Variants in ENO1 observed in about 807,000 individuals in gnomAD.
ENO1 encodes the protein enolase 1.
ENO1 carries 33 observed loss-of-function variants against 46.3 expected under a neutral mutation model. The ratio of observed to expected loss-of-function variants is 0.71; its 90% CI spans 0.54 to 0.95. The LOEUF is 0.95. Among genes scored for constraint, ENO1 ranks in the 40% least tolerant of loss-of-function variants. The probability of loss-of-function intolerance (pLI) is 0.00; values close to 1 mark genes in which losing one functional copy is unlikely to be tolerated. For missense variants in ENO1, 488 were observed against 553.3 expected (o/e 0.88, Z 1.18); for synonymous variants, 220 against 216.0 (o/e 1.02, Z -0.16).
intron 1 of ENO1, among the ~76,000 whole-genome samples, chr1:8,877,131 G>C (rs1029514504): frequency 1.3e-5 from 2 of 152,042 alleles, no homozygotes; most frequent in Admixed American, 6.5e-5. Context: ...CTAATTTTTT[G>C]TATTTTTAGT....
chr1:8,866,966 G>C, intron 6 of ENO1, 151 bp downstream of exon 6: 1 of 1,224,826 alleles, frequency 8.2e-7, no homozygotes. Context: ...GGCAAGTTGA[G>C]TTACCTGCTC....
intron 4 of ENO1, among the ~76,000 whole-genome samples, chr1:8,869,901 G>A (rs1320218138): frequency 1.3e-5 from 2 of 152,188 alleles, no homozygotes. Flanking sequence ...AGTCCCATCT[G>A]ATGAGCGCCA....
chr1:8,862,929 G>C lies in ENO1; in HGVS notation c.1193C>G (p.Pro398Arg). 1 of 1,614,156 alleles carries C rather than the reference G, an allele frequency of 6.2e-7. No individual in the cohort carries two copies. The highest frequency in any genetic ancestry group is 8.5e-7 in the Non-Finnish European group (1 of 1,179,986). The change falls in exon 11 of 12, where the codon CCT becomes CGT. Residue 398 changes from proline to arginine, a missense_variant. By Grantham distance (103) the Pro-to-Arg change is moderately radical. Coordinates refer to ENST00000234590, the MANE Select transcript of ENO1 (RefSeq NM_001428.5). ...LCTGQIKTGAPCRSERLAKYN... is the reference protein window; with the variant it reads ...LCTGQIKTGARCRSERLAKYN... Reference sequence around the variant, plus strand: ...CTTGGCCAAGCGCTCAGATCGGCAAGGGGCACCAGTCTTGATCTAGGAGAA... The same window carrying C: ...CTTGGCCAAGCGCTCAGATCGGCAACGGGCACCAGTCTTGATCTAGGAGAA...
rs566041489 is a variant in ENO1, at chr1:8,863,085, C to T, written c.1177-140G>A. On this transcript the variant is annotated intron_variant, in intron 10 of 11. Transcript: ENST00000234590. ...TGGGGGCCACAACATACAGGCAGGG[C>T]GCTCATGCCCCCATTCTGTTCAGCC... is the stretch of plus-strand genomic sequence containing the variant. 543 of 1,319,842 alleles carry T rather than the reference C, an allele frequency of 4.1e-4. No homozygotes were observed. The African/African-American group carries it at 6.9e-3, about 17-fold the overall frequency. The allele number at this position is 1,319,842 out of a possible 1,614,324, so 81.8% of individuals were successfully genotyped here. A position where few individuals can be genotyped will look rare whatever the true frequency, so the allele number is the denominator to read the frequency against.
chr1:8,871,109 G>T, intron 3 of ENO1: 1 of 1,197,056 alleles, frequency 8.4e-7, no homozygotes, highest in Non-Finnish European at 1.0e-6. Context: ...TTAAACAACG[G>T]TCAAATGGTA....
intron 7 of ENO1, chr1:8,866,076 C>CA (rs70985533): frequency 0.24 from 88,234 of 362,126 alleles, 6,251 homozygotes; most frequent in East Asian, 0.46. Flanking sequence ...GACTCCATCT[C>CA]AAAAAAAAAA....
rs560859958 is a variant in ENO1, at chr1:8,867,147, A to C, written c.414T>G (p.Ala138=). The C allele has an allele frequency of 6.2e-7, 1 of 1,614,158 alleles. No homozygotes were observed. The highest frequency in any genetic ancestry group is 1.1e-5 in the South Asian group (1 of 91,076). ...VPLYRHIADL[A]GNSEVILPVP... ...CTGGCAGGATGACTTCAGAGTTGCC[A>C]GCCAAGTCAGCGATGTGGCGGTACA... is the stretch of plus-strand genomic sequence containing the variant. Residue 138 remains alanine (A), a synonymous_variant, in exon 6 of 12, where the codon GCT becomes GCG. Coordinates refer to ENST00000234590, the MANE Select transcript of ENO1 (RefSeq NM_001428.5).
At chr1:8,869,011 CTAATA>C (rs930477066) in intron 4 of ENO1, among the ~76,000 whole-genome samples, 18 of 152,104 alleles carry the variant, frequency 1.2e-4, no homozygotes, top group Non-Finnish European at 2.5e-4. Context: ...CCATTTTAAA[CTAATA>C]TATTAATAAC....
chr1:8,865,964 C>T, intron 7 of ENO1: 1 of 340,690 alleles, frequency 2.9e-6, no homozygotes, highest in Non-Finnish European at 5.4e-6. Flanking sequence ...GACAGACGGA[C>T]AGACACTTGG....
chr1:8,872,423 C>G (rs1192422802), intron 2 of ENO1, among the ~76,000 whole-genome samples: 7 of 151,586 alleles, frequency 4.6e-5, no homozygotes, highest in Non-Finnish European at 8.8e-5. Context: ...TCGCTCTATC[C>G]CCCAGGCTAG....
chr1:8,876,930 A>G (rs1435544201), intron 1 of ENO1, among the ~76,000 whole-genome samples: 2 of 151,658 alleles, frequency 1.3e-5, no homozygotes, highest in Non-Finnish European at 2.9e-5. Flanking sequence ...CTGCAACCTC[A>G]GCCTCCTGTC....
At chr1:8,866,059 C>T (rs552943132) in intron 7 of ENO1, 47 of 460,380 alleles carry the variant, frequency 1.0e-4, no homozygotes, top group African/African-American at 9.2e-4. Context: ...CCAGCCTGGG[C>T]GACAGAGACT....
intron 5 of ENO1, 34 bp from the exon 6 acceptor site, chr1:8,867,284 A>T: frequency 6.2e-7 from 1 of 1,609,714 alleles, no homozygotes; most frequent in Non-Finnish European, 8.5e-7. Context: ...GAATGAAGTC[A>T]TTTCTGATTC....
At chr1:8,864,164 T>C in intron 8 of ENO1, 72 bp from the exon 9 acceptor site, 2 of 1,528,136 alleles carry the variant, frequency 1.3e-6, no homozygotes, top group Non-Finnish European at 1.8e-6. Flanking sequence ...CCAGCCTTGC[T>C]TCCCCCTTGA....
chr1:8,876,800 A>C (rs1477479158), intron 1 of ENO1, among the ~76,000 whole-genome samples: 3 of 151,750 alleles, frequency 2.0e-5, no homozygotes, highest in Non-Finnish European at 2.9e-5. Context: ...CGTCTCAGAA[A>C]AAAAAAAAAA....
intron 11 of ENO1, among the ~76,000 whole-genome samples, chr1:8,862,455 C>A (rs1468028710): frequency 6.6e-6 from 1 of 152,136 alleles, no homozygotes; most frequent in Non-Finnish European, 1.5e-5. Context: ...CCAGAACAGC[C>A]CCACAGCGCT....
Position 8,861,250 on chromosome 1 carries a change from T to C in ENO1, c.*110A>G. 8.6e-7 allele frequency: 1 copy of C among 1,159,706 alleles called. No homozygotes were observed. The highest frequency in any genetic ancestry group is 2.4e-5 in the East Asian group (1 of 42,364). 71.8% of individuals were successfully genotyped at this position (1,159,706 alleles called of 1,614,324 possible). A position where few individuals can be genotyped will look rare whatever the true frequency, so the allele number is the denominator to read the frequency against. On this transcript the variant is annotated 3_prime_UTR_variant, in exon 12 of 12. Coordinates refer to ENST00000234590, the MANE Select transcript of ENO1 (RefSeq NM_001428.5). The stretch of plus-strand genomic sequence containing the variant: ...AACTCCACGGCGGTGGGGCGCTAAC[T>C]AGCAGGGACCCCTGCAAGTGTTGGT...
At chr1:8,871,589 T>C (rs1642633834) in intron 3 of ENO1, 1 of 1,164,226 alleles carries the variant, frequency 8.6e-7, no homozygotes, top group African/African-American at 1.6e-5. Flanking sequence ...CAGGCCCTGT[T>C]CTCATGCTTG....
intron 1 of ENO1, chr1:8,877,859 G>T (rs529450740): frequency 2.1e-5 from 3 of 141,324 alleles, no homozygotes; most frequent in East Asian, 4.4e-4. Context: ...TCCAGCCTGG[G>T]CAACAATAGC....
Sources: allele counts gnomAD v4.1 joint callset (sites outside exome capture counted in the v4.1 genomes callset), GRCh38; gene constraint gnomAD v4.1.1; transcripts MANE v1.5; gene names NCBI Gene and HGNC (gene_info 2026-07-23, HGNC 2026-07-21).